Variants in CNTN4 observed in about 807,000 individuals in gnomAD.
CNTN4 encodes contactin 4.
In CNTN4, 77 loss-of-function variants were observed where a neutral mutation model predicts 122.5. The ratio of observed to expected loss-of-function variants is 0.63; its 90% CI spans 0.52 to 0.76. CNTN4 has a LOEUF of 0.76. CNTN4 is among the 30% of genes least tolerant of loss of function. The probability of loss-of-function intolerance (pLI) is 0.00; values close to 1 mark genes in which losing one functional copy is unlikely to be tolerated. For synonymous variants in CNTN4, 512 were observed against 447.0 expected, an observed-to-expected ratio of 1.15 and a Z score of -1.83; for missense variants, 1,256 against 1,259.1, an observed-to-expected ratio of 1.00 and a Z score of 0.04.
At chr3:2,402,883 T>C (rs777996687) in intron 3 of CNTN4, among the ~76,000 whole-genome samples, 2 of 152,166 alleles carry the variant, frequency 1.3e-5, no homozygotes, top group Non-Finnish European at 2.9e-5. Flanking sequence ...GTGATTGCAA[T>C]AGTTCCTTGT....
At chr3:2,986,409 A>G (rs1441273461) in intron 13 of CNTN4, among the ~76,000 whole-genome samples, 2 of 152,164 alleles carry the variant, frequency 1.3e-5, no homozygotes, top group African/African-American at 4.8e-5. Flanking sequence ...TACAGCTAGA[A>G]CCCACAGCTC....
rs370524602 is a variant in CNTN4, at chr3:3,032,048, G to A, written c.1783+1073G>A. On this transcript the variant is annotated intron_variant, in intron 16 of 24. Coordinates refer to ENST00000418658, the MANE Select transcript of CNTN4 (RefSeq NM_175607.3). ...TACCAACTTAAACTGATTGTGAAGA[G>A]AGGGTTCAAGAGAAATAGCAATTCC... Among the ~76,000 whole-genome samples the A allele has an allele frequency of 7.9e-4, 120 of 152,336 alleles. 1 individual carries two copies. Among genetic ancestry groups the A allele is most frequent in the African/African-American group, 2.7e-3 (112 of 41,578 alleles).
intron 3 of CNTN4, among the ~76,000 whole-genome samples, chr3:2,463,265 C>G (rs944348353): frequency 4.6e-5 from 7 of 151,410 alleles, no homozygotes; most frequent in Non-Finnish European, 7.4e-5. Flanking sequence ...TAAGAGCATA[C>G]TTTTGAAATA....
Position 3,016,009 on chromosome 3 carries a change from A to G in CNTN4, c.1487-10093A>G, listed in dbSNP as rs1346630207. Among the ~76,000 whole-genome samples, 7 of 152,296 alleles carry G rather than the reference A, an allele frequency of 4.6e-5. No individual in the cohort carries two copies. In the East Asian group the frequency reaches 1.2e-3, roughly 25 times the overall value. On this transcript the variant is annotated intron_variant, in intron 14 of 24. Coordinates refer to ENST00000418658, the MANE Select transcript of CNTN4 (RefSeq NM_175607.3). ...GGGGGACTCTTTTGCTCAGTGAGTCATAAGGGAGAGTTACTTATGTGCAGT... is the reference window on the plus strand; with the variant it reads ...GGGGGACTCTTTTGCTCAGTGAGTCGTAAGGGAGAGTTACTTATGTGCAGT...
At chr3:2,623,799 T>C (rs1230032071) in intron 4 of CNTN4, among the ~76,000 whole-genome samples, 1 of 152,104 alleles carries the variant, frequency 6.6e-6, no homozygotes, top group Non-Finnish European at 1.5e-5. Flanking sequence ...GTCCCCTGAC[T>C]AGGAAATCCA....
intron 14 of CNTN4, among the ~76,000 whole-genome samples, chr3:3,003,562 G>A (rs1355611284): frequency 6.6e-6 from 1 of 151,800 alleles, no homozygotes; most frequent in Non-Finnish European, 1.5e-5. Context: ...GAAACAGAAA[G>A]TAGATTCGTA....
intron 4 of CNTN4, among the ~76,000 whole-genome samples, chr3:2,638,527 T>C (rs2082765928): frequency 6.6e-6 from 1 of 152,186 alleles, no homozygotes; most frequent in African/African-American, 2.4e-5. Context: ...CATTCAGACA[T>C]GTCATTAGCT....
intron 2 of CNTN4, among the ~76,000 whole-genome samples, chr3:2,318,115 G>A (rs983131141): frequency 1.3e-5 from 2 of 151,996 alleles, no homozygotes; most frequent in Non-Finnish European, 2.9e-5. Flanking sequence ...GGAAGGCTGA[G>A]GCAGCAGGAC....
At chr3:2,650,567 A>T (rs1056350693) in intron 4 of CNTN4, among the ~76,000 whole-genome samples, 4 of 152,194 alleles carry the variant, frequency 2.6e-5, no homozygotes, top group African/African-American at 7.2e-5. Flanking sequence ...GGAAGACTCA[A>T]TCAATGCAGC....
chr3:2,588,545 T>A (rs1212624072), intron 4 of CNTN4, among the ~76,000 whole-genome samples: 2 of 152,046 alleles, frequency 1.3e-5, no homozygotes, highest in Non-Finnish European at 2.9e-5. Flanking sequence ...TTTTGTACTT[T>A]TAGTAGAGAC....
intron 4 of CNTN4, among the ~76,000 whole-genome samples, chr3:2,589,138 C>T (rs1281270935): frequency 1.3e-5 from 2 of 152,256 alleles, no homozygotes; most frequent in Admixed American, 6.5e-5. Context: ...TGAACTGCAG[C>T]CCTAGAACAG....
At chr3:2,316,722 A>G (rs2043113012) in intron 2 of CNTN4, among the ~76,000 whole-genome samples, 1 of 152,178 alleles carries the variant, frequency 6.6e-6, no homozygotes, top group South Asian at 2.1e-4. Context: ...ATTAACTTGA[A>G]TATTAATCTT....
At chr3:2,690,807 C>T (rs1336383891) in intron 4 of CNTN4, among the ~76,000 whole-genome samples, 3 of 152,170 alleles carry the variant, frequency 2.0e-5, no homozygotes, top group Non-Finnish European at 2.9e-5. Flanking sequence ...CAGTGTCCAC[C>T]AATAAAGTTT....
intron 4 of CNTN4, among the ~76,000 whole-genome samples, chr3:2,613,044 A>G (rs2081567328): frequency 6.6e-6 from 1 of 152,134 alleles, no homozygotes; most frequent in Non-Finnish European, 1.5e-5. Context: ...ATATTGTGCC[A>G]GGGGCTTTGT....
chr3:2,832,359 C>T (rs568702166), intron 7 of CNTN4, among the ~76,000 whole-genome samples: 1 of 152,142 alleles, frequency 6.6e-6, no homozygotes, highest in Non-Finnish European at 1.5e-5. Context: ...GCCTACAGGT[C>T]TGCTAGGGAG....
intron 7 of CNTN4, among the ~76,000 whole-genome samples, chr3:2,840,445 C>T (rs68138464): frequency 1.3e-5 from 2 of 150,470 alleles, no homozygotes; most frequent in African/African-American, 2.4e-5. Flanking sequence ...TCACGCCTGT[C>T]ATCCCAGCAC....
intron 5 of CNTN4, among the ~76,000 whole-genome samples, chr3:2,743,669 A>G (rs1398572148): frequency 2.6e-5 from 4 of 152,230 alleles, no homozygotes; most frequent in African/African-American, 9.6e-5. Flanking sequence ...ATGGAGCACA[A>G]TGAGAGTGTT....
intron 2 of CNTN4, among the ~76,000 whole-genome samples, chr3:2,307,530 C>T (rs1026649382): frequency 1.3e-5 from 2 of 151,906 alleles, no homozygotes; most frequent in Non-Finnish European, 2.9e-5. Flanking sequence ...ATGATGTTAG[C>T]TGTGAGATGC....
chr3:2,535,989 G>T (rs1161737856), intron 3 of CNTN4, among the ~76,000 whole-genome samples: 1 of 152,058 alleles, frequency 6.6e-6, no homozygotes, highest in African/African-American at 2.4e-5. Flanking sequence ...CCACCGTTTT[G>T]CTATTAGTGC....
Sources: allele counts gnomAD v4.1 joint callset (sites outside exome capture counted in the v4.1 genomes callset), GRCh38; gene constraint gnomAD v4.1.1; transcripts MANE v1.5; gene names NCBI Gene and HGNC (gene_info 2026-07-23, HGNC 2026-07-21).